FGF14: variants seen among roughly 807,000 people sequenced by gnomAD.
FGF14 encodes fibroblast growth factor homologous factor 4.
In FGF14, 5 loss-of-function variants were observed where a neutral mutation model predicts 25.5. That is an observed-to-expected ratio of 0.20 (90% CI 0.10 to 0.41). FGF14 has a LOEUF of 0.41. FGF14 is among the 10% of genes least tolerant of loss of function. The pLI is 1.00. For synonymous variants in FGF14, 138 were observed against 118.3 expected, an observed-to-expected ratio of 1.17 and a Z score of -1.08; for missense variants, 222 against 320.1, an observed-to-expected ratio of 0.69 and a Z score of 2.34.
intron 3 of FGF14, among the ~76,000 whole-genome samples, chr13:101,797,770 T>TGCGC (rs779148079): frequency 3.3e-4 from 47 of 144,042 alleles, no homozygotes; most frequent in Admixed American, 1.3e-3. Flanking sequence ...TGTGTGTGTG[T>TGCGC]GTGTGTGTGT....
chr13:102,116,034 C>A (rs2045454402), intron 1 of FGF14, among the ~76,000 whole-genome samples: 1 of 152,050 alleles, frequency 6.6e-6, no homozygotes, highest in Non-Finnish European at 1.5e-5. Context: ...TGCTTGAACC[C>A]AGGAGGCAGA....
intron 1 of FGF14, among the ~76,000 whole-genome samples, chr13:102,273,774 G>A (rs2053367367): frequency 6.6e-6 from 1 of 151,768 alleles, no homozygotes; most frequent in Non-Finnish European, 1.5e-5. Context: ...TGAGACTCCA[G>A]CTAATAATAC....
At chr13:102,049,134 A>G (rs761963425) in intron 1 of FGF14, among the ~76,000 whole-genome samples, 114 of 151,988 alleles carry the variant, frequency 7.5e-4, no homozygotes, top group South Asian at 1.2e-3. Flanking sequence ...AGGAAAAAAA[A>G]TACAATCAAT....
chr13:102,323,336 T>C (rs1876840195), intron 1 of FGF14, among the ~76,000 whole-genome samples: 1 of 152,218 alleles, frequency 6.6e-6, no homozygotes, highest in Admixed American at 6.5e-5. Flanking sequence ...ATTTATAAGT[T>C]CATATTTTCT....
chr13:102,272,913 G>T (rs1246166990), intron 1 of FGF14, among the ~76,000 whole-genome samples: 1 of 152,128 alleles, frequency 6.6e-6, no homozygotes, highest in East Asian at 1.9e-4. Context: ...GACTTTTAAA[G>T]ATAGCTTCAA....
At chr13:101,801,376 C>G (rs969665427) in intron 3 of FGF14, among the ~76,000 whole-genome samples, 1 of 151,586 alleles carries the variant, frequency 6.6e-6, no homozygotes, top group Non-Finnish European at 1.5e-5. Context: ...TCTAAAGAGA[C>G]AGTATAGATT....
chr13:101,771,391 G>A (rs775187458), intron 3 of FGF14, among the ~76,000 whole-genome samples: 1 of 152,026 alleles, frequency 6.6e-6, no homozygotes, highest in Non-Finnish European at 1.5e-5. Flanking sequence ...GTATTGACCT[G>A]AGAAAAGATT....
chr13:102,000,612 A>G (rs1390805795), intron 1 of FGF14, among the ~76,000 whole-genome samples: 1 of 152,230 alleles, frequency 6.6e-6, no homozygotes, highest in Non-Finnish European at 1.5e-5. Context: ...GAAACAGTCC[A>G]GCAAGGAAAT....
intron 1 of FGF14, among the ~76,000 whole-genome samples, chr13:102,117,699 G>C (rs79723205): frequency 1.3e-5 from 2 of 152,276 alleles, no homozygotes; most frequent in East Asian, 3.9e-4. Context: ...AGCGGTGTTG[G>C]AATGATCCCA....
chr13:102,168,259 G>A (rs1370348282), intron 1 of FGF14, among the ~76,000 whole-genome samples: 1 of 152,142 alleles, frequency 6.6e-6, no homozygotes, highest in African/African-American at 2.4e-5. Context: ...GGGGAGGGCA[G>A]GCAAAGACGT....
chr13:102,164,212 T>C (rs1168189003), intron 1 of FGF14, among the ~76,000 whole-genome samples: 1 of 152,196 alleles, frequency 6.6e-6, no homozygotes, highest in African/African-American at 2.4e-5. Flanking sequence ...TGTATGTTGC[T>C]GAGATTTGGG....
intron 1 of FGF14, chr13:102,401,428 G>A (rs370093928): frequency 6.3e-7 from 1 of 1,576,012 alleles, no homozygotes; most frequent in Middle Eastern, 1.7e-4. Flanking sequence ...CAACAGACAG[G>A]TTATTATGAG....
intron 1 of FGF14, among the ~76,000 whole-genome samples, chr13:102,218,321 A>C (rs1344531397): frequency 1.3e-5 from 2 of 152,038 alleles, no homozygotes; most frequent in African/African-American, 2.4e-5. Context: ...ATCAGAATAG[A>C]CCTTGACTCC....
intron 1 of FGF14, among the ~76,000 whole-genome samples, chr13:101,965,787 T>G (rs1009292497): frequency 5.3e-5 from 8 of 151,530 alleles, no homozygotes; most frequent in Non-Finnish European, 1.2e-4. Flanking sequence ...ACTGAAAATA[T>G]AAGGCAATCA....
chr13:102,008,275 A>C (rs1017918392), intron 1 of FGF14, among the ~76,000 whole-genome samples: 1 of 152,196 alleles, frequency 6.6e-6, no homozygotes, highest in African/African-American at 2.4e-5. Flanking sequence ...ATCTGTCTTG[A>C]AAACATATTG....
chr13:102,210,245 T>C (rs1298976127), intron 1 of FGF14, among the ~76,000 whole-genome samples: 1 of 151,944 alleles, frequency 6.6e-6, no homozygotes, highest in Non-Finnish European at 1.5e-5. Context: ...CTTTAAGTTC[T>C]GTGAAGAAAG....
At chr13:101,934,849 CT>C (rs1412131605) in intron 1 of FGF14, among the ~76,000 whole-genome samples, 1 of 152,188 alleles carries the variant, frequency 6.6e-6, no homozygotes, top group African/African-American at 2.4e-5. Context: ...ATGGTTCCCA[CT>C]GTTACAAAGG....
At chr13:102,340,832 T>A (rs1209978087) in intron 1 of FGF14, among the ~76,000 whole-genome samples, 1 of 152,206 alleles carries the variant, frequency 6.6e-6, no homozygotes, top group African/African-American at 2.4e-5. Context: ...CAATCAGATT[T>A]ACCCAAGAAA....
chr13:101,945,743 C>T (rs1424710724), intron 1 of FGF14, among the ~76,000 whole-genome samples: 1 of 152,240 alleles, frequency 6.6e-6, no homozygotes, highest in African/African-American at 2.4e-5. Flanking sequence ...TATTCCTGAC[C>T]TGCCAAAGCC....
Sources: allele counts gnomAD v4.1 joint callset (sites outside exome capture counted in the v4.1 genomes callset), GRCh38; gene constraint gnomAD v4.1.1; transcripts MANE v1.5; gene names NCBI Gene and HGNC (gene_info 2026-07-23, HGNC 2026-07-21).